The following NCOR2 variants were observed in gnomAD, a reference collection of about 807,000 sequenced individuals.
NCOR2 encodes CTG repeat protein 26.
A neutral mutation model predicts 262.9 loss-of-function variants in NCOR2; 81 were observed. The ratio of observed to expected loss-of-function variants is 0.31; its 90% CI spans 0.26 to 0.37. The LOEUF (loss-of-function observed/expected upper bound fraction) is 0.37. NCOR2 is among the 10% of genes least tolerant of loss of function. NCOR2 has a pLI of 1.00. For synonymous variants in NCOR2, 1,659 were observed against 1,559.3 expected, an observed-to-expected ratio of 1.06 and a Z score of -1.51; for missense variants, 3,385 against 3,621.4, an observed-to-expected ratio of 0.93 and a Z score of 1.68.
chr12:124,479,418 CA>C (rs1296582832), intron 3 of NCOR2, among the ~76,000 whole-genome samples: 1 of 150,968 alleles, frequency 6.6e-6, no homozygotes, highest in East Asian at 1.9e-4. Context: ...CACACAGGTA[CA>C]TGCACGCACA....
intron 21 of NCOR2, 87 bp downstream of exon 23, chr12:124,363,592 G>A (rs1429426502): frequency 4.1e-6 from 5 of 1,208,272 alleles, no homozygotes; most frequent in Non-Finnish European, 4.3e-6. Context: ...GCAGGTGCAT[G>A]CTCCCGCCCG....
At chr12:124,555,742 G>A (rs80173006) in intron 1 of NCOR2, among the ~76,000 whole-genome samples, 4,423 of 152,266 alleles carry the variant, frequency 0.029, 191 homozygotes, top group African/African-American at 0.1. Flanking sequence ...GTTCCTTGGG[G>A]AGAGGAGCAA....
At chr12:124,325,378 C>CCCCCCG (rs1566340318) in exon 47 of NCOR2, 10 of 232,280 alleles carry the variant, frequency 4.3e-5, no homozygotes, top group South Asian at 1.4e-4. Context: ...CCTGACACCG[C>CCCCCCG]CCCCCCCCCC....
chr12:124,517,530 G>A lies in NCOR2; in HGVS notation c.-118+18035C>T, dbSNP rs549833086. On this transcript the variant is annotated intron_variant, in intron 1 of 46. Transcript: ENST00000404621. The surrounding 1 kb of genome is among the most constrained non-coding windows in gnomAD (Gnocchi z 7.6). ...CCACCTCGGTGGGGAGCCGGGCGCC[G>A]GGGCCGGGCTGCAGCGCTGCCTGCA... 1.1e-4 allele frequency among the ~76,000 whole-genome samples: 17 copies of A among 152,152 alleles called. No individual in the cohort carries two copies. The South Asian group carries it at 1.7e-3, about 15-fold the overall frequency.
At chr12:124,546,901 A>G (rs1212141594) in intron 1 of NCOR2, among the ~76,000 whole-genome samples, 4 of 152,242 alleles carry the variant, frequency 2.6e-5, no homozygotes, top group African/African-American at 9.6e-5. Flanking sequence ...CCTGTATTCA[A>G]GTAGCCCTTA....
chr12:124,438,810 C>CCCA (rs2044571010), intron 7 of NCOR2, among the ~76,000 whole-genome samples: 1 of 4,696 alleles, frequency 2.1e-4, no homozygotes, highest in African/African-American at 5.9e-4. Context: ...GAGAGAGAGA[C>CCCA]GGAGACCCAG....
At chr12:124,325,380 C>CCCCT (rs1555297234) in exon 47 of NCOR2, 6 of 327,260 alleles carry the variant, frequency 1.8e-5, no homozygotes, top group Non-Finnish European at 9.4e-6. Flanking sequence ...TGACACCGCC[C>CCCCT]CCCCCCCCGC....
intron 6 of NCOR2, among the ~76,000 whole-genome samples, chr12:124,453,997 G>A (rs998184126): frequency 6.6e-5 from 10 of 152,204 alleles, no homozygotes; most frequent in Admixed American, 1.3e-4. Flanking sequence ...TGGACTCTGT[G>A]ACCCACAGCA....
chr12:124,453,926 C>A (rs1046621629), intron 6 of NCOR2, among the ~76,000 whole-genome samples: 1 of 152,246 alleles, frequency 6.6e-6, no homozygotes, highest in Non-Finnish European at 1.5e-5. Flanking sequence ...CACAGGGATC[C>A]GTCCCTGCCG....
intron 6 of NCOR2, among the ~76,000 whole-genome samples, chr12:124,450,292 C>T (rs2045440943): frequency 1.3e-5 from 2 of 152,232 alleles, no homozygotes; most frequent in Non-Finnish European, 2.9e-5. Context: ...CCCCCACTGA[C>T]CAGCAAAAGA....
chr12:124,410,683 G>GCCAC (rs1694944835), intron 13 of NCOR2, among the ~76,000 whole-genome samples: 1 of 152,276 alleles, frequency 6.6e-6, no homozygotes, highest in African/African-American at 2.4e-5. Context: ...GGCCCGCCCT[G>GCCAC]CCACCGGTCC....
At position 124,398,313 on chromosome 12, in the gene NCOR2, C is replaced by T. The variant is rs1014929219; in HGVS notation, c.1814-132G>A. ...GGTGTCACCGCACGGCTCTGAACCC[C>T]GTGGGAAGGCCACATTTCAGACGCC... On this transcript the variant is annotated intron_variant, in intron 15 of 46. Transcript: ENST00000405201. The T allele has an allele frequency of 9.8e-6, 9 of 914,126 alleles. 1 individual carries two copies. The highest frequency in any genetic ancestry group is 6.3e-5 in the Admixed American group (3 of 47,498). The allele number at this position is 914,126 out of a possible 1,614,324, so 56.6% of individuals were successfully genotyped here.
upstream of NCOR2, among the ~76,000 whole-genome samples, chr12:124,540,040 CCT>C (rs1033741721): frequency 7.9e-5 from 12 of 152,216 alleles, no homozygotes; most frequent in African/African-American, 1.2e-4. Flanking sequence ...GGACAGACCC[CCT>C]GTTACCTGCC....
intron 4 of NCOR2, among the ~76,000 whole-genome samples, chr12:124,467,765 CCATCACCCTCATCATCCTTATCCT>C (rs1565970428): frequency 1.0e-5 from 1 of 100,350 alleles, no homozygotes; most frequent in Non-Finnish European, 2.1e-5. Context: ...TTCATCACCC[CCATCACCCTCATCATCCTTATCCT>C]CATCACCCCC....
At chr12:124,408,393 G>A (rs2042390397) in intron 13 of NCOR2, among the ~76,000 whole-genome samples, 1 of 151,988 alleles carries the variant, frequency 6.6e-6, no homozygotes. Context: ...AAGGCGTGCT[G>A]GAGCCAGTGG....
At chr12:124,507,183 C>T (rs1273635262) in intron 1 of NCOR2, among the ~76,000 whole-genome samples, 3 of 152,070 alleles carry the variant, frequency 2.0e-5, no homozygotes, top group African/African-American at 7.2e-5. Context: ...ATGGCTGGGA[C>T]CAGGGGCTGG....
chr12:124,401,014 G>A (rs1355493818), intron 14 of NCOR2, among the ~76,000 whole-genome samples: 1 of 152,132 alleles, frequency 6.6e-6, no homozygotes, highest in African/African-American at 2.4e-5. Flanking sequence ...AGACCAGCCT[G>A]GGCAACACAG....
At chr12:124,507,112 T>G (rs1377716201) in intron 1 of NCOR2, among the ~76,000 whole-genome samples, 1 of 152,142 alleles carries the variant, frequency 6.6e-6, no homozygotes, top group African/African-American at 2.4e-5. Flanking sequence ...GGACAAACAC[T>G]GTGCGATTCC....
At chr12:124,502,752 G>A (rs2048815351) in intron 1 of NCOR2, among the ~76,000 whole-genome samples, 1 of 152,200 alleles carries the variant, frequency 6.6e-6, no homozygotes, top group South Asian at 2.1e-4. Flanking sequence ...CCTGTGGCAA[G>A]TCTGCCTCTG....
Sources: gnomAD v4.1 joint callset for allele counts (sites outside exome capture counted in the v4.1 genomes callset) on GRCh38, gnomAD v4.1.1 for gene constraint, Gnocchi (gnomAD v3.1) non-coding constraint, MANE v1.5 for transcripts, NCBI Gene and HGNC (gene_info 2026-07-23, HGNC 2026-07-21) for gene names.